Variants in RAB43 observed in about 807,000 individuals in gnomAD.
RAB43 encodes ras-related protein Rab-43.
RAB43 carries 6 observed loss-of-function variants against 18.8 expected under a neutral mutation model. The observed-to-expected ratio is 0.32, with a 90% CI of 0.17 to 0.63. RAB43 has a LOEUF of 0.63. RAB43 is among the 30% of genes least tolerant of loss of function. The pLI, the probability that RAB43 is intolerant of heterozygous loss-of-function variation, is 0.79. For synonymous variants in RAB43, 103 were observed against 124.1 expected, an observed-to-expected ratio of 0.83 and a Z score of 1.13; for missense variants, 195 against 289.1, an observed-to-expected ratio of 0.67 and a Z score of 2.36.
At chr3:129,105,912 G>A (rs1298559579) in intron 1 of RAB43, among the ~76,000 whole-genome samples, 2 of 152,208 alleles carry the variant, frequency 1.3e-5, no homozygotes, top group African/African-American at 4.8e-5. Flanking sequence ...GTTCCCTGAG[G>A]AGAAAGACCC....
chr3:129,090,975 G>A lies in RAB43; in HGVS notation c.*121C>T. The A allele has an allele frequency of 1.6e-6, 1 of 611,400 alleles. No individual in the cohort carries two copies. Among genetic ancestry groups the A allele is most frequent in the Non-Finnish European group, 2.9e-6 (1 of 349,060 alleles). 37.9% of individuals were successfully genotyped at this position (611,400 alleles called of 1,614,324 possible). The stretch of plus-strand genomic sequence containing the variant: ...CCAGGCCACAGGATGCAGAGCTCCA[G>A]AGCTTCACCCGGCTGCTGTAGTTGC... On this transcript the variant is annotated 3_prime_UTR_variant, in exon 3 of 3. Coordinates refer to ENST00000315150, the MANE Select transcript of RAB43 (RefSeq NM_198490.3).
rs544457349 is a variant in RAB43, at chr3:129,087,739, G to A, written c.*3357C>T. The A allele has an allele frequency of 6.6e-4, 97 of 148,056 alleles. No homozygotes were observed. The highest frequency in any genetic ancestry group is 6.8e-3 in the Middle Eastern group (2 of 294). 9.2% of individuals were successfully genotyped at this position (148,056 alleles called of 1,614,324 possible). ...TACCAAATGCAAATGGAATACTTGC[G>A]CTGACTGAAGCCCTGTTCACCCCAA... On this transcript the variant is annotated 3_prime_UTR_variant, in exon 3 of 3. Transcript: ENST00000315150.
chr3:129,121,534 G>T lies in RAB43; in HGVS notation c.-45C>A, dbSNP rs940035179. 1 of 1,498,956 alleles carries T rather than the reference G, an allele frequency of 6.7e-7. No individual in the cohort carries two copies. The highest frequency in any genetic ancestry group is 1.2e-5 in the South Asian group (1 of 81,292). The allele number at this position is 1,498,956 out of a possible 1,614,324, so 92.9% of individuals were successfully genotyped here. On this transcript the variant is annotated 5_prime_UTR_variant, in exon 1 of 3. Coordinates refer to ENST00000315150, the MANE Select transcript of RAB43 (RefSeq NM_198490.3). ...GGCCGGCGCTCTGGACGCTGGGACC[G>T]GCCTGAGCTCACGCAAGCCGCGGGC...
rs989745726 is a variant in RAB43 at position 129,095,917 on chromosome 3, G to A, written c.205-748C>T. Among the ~76,000 whole-genome samples the A allele has an allele frequency of 7.2e-5, 11 of 152,224 alleles. No individual in the cohort carries two copies. The highest frequency in any genetic ancestry group is 1.5e-4 in the Non-Finnish European group (10 of 68,036). On this transcript the variant is annotated intron_variant, in intron 1 of 2. Transcript: ENST00000315150. The surrounding 1 kb of genome is among the most constrained non-coding windows in gnomAD (Gnocchi z 4.2). ...GCAGGATGGATACCAGGCCAGGTAG[G>A]GGCAGAGGTCTGTGCGGGGCCAGGA...
chr3:129,096,983 C>A (rs539107062), intron 1 of RAB43, among the ~76,000 whole-genome samples: 3 of 152,144 alleles, frequency 2.0e-5, no homozygotes, highest in African/African-American at 7.2e-5. Flanking sequence ...TGTGGTGGTG[C>A]ACGCCTGTAA....
chr3:129,092,445 A>G lies in RAB43; in HGVS notation c.389-1099T>C, dbSNP rs1933723471. The G allele has an allele frequency of 4.4e-6, 3 of 674,370 alleles. No homozygotes were observed. In the Admixed American group the frequency reaches 6.5e-5, roughly 15 times the overall value. The allele number at this position is 674,370 out of a possible 1,614,324, so 41.8% of individuals were successfully genotyped here. A position where few individuals can be genotyped will look rare whatever the true frequency, so the allele number is the denominator to read the frequency against. ...AGTTGCTAATTGCTGAAGCAGGGTA[A>G]TGGGTACCTGGGGGCTCATTATTAT... On this transcript the variant is annotated intron_variant, in intron 2 of 2. Transcript: ENST00000315150.
At chr3:129,102,214 T>C (rs1422800581) in intron 1 of RAB43, among the ~76,000 whole-genome samples, 8 of 152,236 alleles carry the variant, frequency 5.3e-5, no homozygotes, top group African/African-American at 9.6e-5. Context: ...TGCAGCTCTA[T>C]CTAAGCCTTG....
At chr3:129,120,606 G>A (rs2107588955) in intron 1 of RAB43, among the ~76,000 whole-genome samples, 1 of 152,298 alleles carries the variant, frequency 6.6e-6, no homozygotes, top group Middle Eastern at 3.4e-3. Context: ...TTTATTCGGA[G>A]CCATTGCCAA....
chr3:129,121,248 G>A (rs1935909316), intron 1 of RAB43, 38 bp downstream of exon 1: 2 of 1,540,400 alleles, frequency 1.3e-6, no homozygotes. Flanking sequence ...CCCACCCTCC[G>A]AGGGAGCGCC....
chr3:129,094,867 G>T, intron 2 of RAB43, 119 bp downstream of exon 2: 2 of 1,378,554 alleles, frequency 1.5e-6, no homozygotes, highest in Non-Finnish European at 1.9e-6. Flanking sequence ...GCAAAACCAT[G>T]GCTCAAACTC....
At chr3:129,102,458 G>A (rs564309316) in intron 1 of RAB43, among the ~76,000 whole-genome samples, 17 of 151,948 alleles carry the variant, frequency 1.1e-4, no homozygotes, top group African/African-American at 3.1e-4. Context: ...GTGAAACCCC[G>A]TCTCTACTAA....
At chr3:129,105,374 A>G (rs1386934148) in intron 1 of RAB43, among the ~76,000 whole-genome samples, 1 of 152,118 alleles carries the variant, frequency 6.6e-6, no homozygotes, top group Non-Finnish European at 1.5e-5. Context: ...AACTGCTTGA[A>G]CCTGGGAGAT....
intron 2 of RAB43, chr3:129,092,578 T>C (rs1370181895): frequency 1.6e-5 from 11 of 684,952 alleles, no homozygotes; most frequent in African/African-American, 7.1e-5. Context: ...CTGGGCAACA[T>C]AGCAGGACTG....
intron 2 of RAB43, among the ~76,000 whole-genome samples, chr3:129,093,983 A>C (rs574620059): frequency 6.6e-6 from 1 of 152,356 alleles, no homozygotes; most frequent in South Asian, 2.1e-4. Context: ...CAGGGATAAC[A>C]TAAGAGCTAA....
intron 1 of RAB43, among the ~76,000 whole-genome samples, chr3:129,113,774 A>C (rs1203212853): frequency 6.6e-6 from 1 of 152,054 alleles, no homozygotes; most frequent in Non-Finnish European, 1.5e-5. Context: ...CACGCCTGTA[A>C]TCCCAGCACT....
At chr3:129,104,260 G>A (rs1576830615) in intron 1 of RAB43, among the ~76,000 whole-genome samples, 2 of 152,202 alleles carry the variant, frequency 1.3e-5, no homozygotes, top group East Asian at 1.9e-4. Flanking sequence ...AGCGGAAACC[G>A]CACTTTCTCT....
chr3:129,118,628 A>G (rs1044430019), intron 1 of RAB43, among the ~76,000 whole-genome samples: 2 of 152,224 alleles, frequency 1.3e-5, no homozygotes, highest in African/African-American at 2.4e-5. Flanking sequence ...GCTTTAGGAT[A>G]TAAGACTGGA....
chr3:129,092,588 G>T (rs1168144372), intron 2 of RAB43: 7 of 672,868 alleles, frequency 1.0e-5, no homozygotes, highest in Non-Finnish European at 1.9e-5. Flanking sequence ...TAGCAGGACT[G>T]CATCTCTAAA....
intron 1 of RAB43, among the ~76,000 whole-genome samples, chr3:129,115,822 A>C (rs1318058181): frequency 1.3e-5 from 2 of 152,214 alleles, no homozygotes; most frequent in African/African-American, 2.4e-5. Flanking sequence ...TTCTGTCTCA[A>C]AAAAACAAAT....
Sources: allele counts gnomAD v4.1 joint callset (sites outside exome capture counted in the v4.1 genomes callset), GRCh38; gene constraint gnomAD v4.1.1; non-coding constraint Gnocchi (gnomAD v3.1); transcripts MANE v1.5; gene names NCBI Gene and HGNC (gene_info 2026-07-23, HGNC 2026-07-21).